The following CDH12 variants were observed in gnomAD, a reference collection of about 807,000 sequenced individuals.
CDH12 encodes cadherin-12.
CDH12 carries 41 observed loss-of-function variants against 74.1 expected under a neutral mutation model. That is an observed-to-expected ratio of 0.55 (90% CI 0.43 to 0.72). The LOEUF is 0.72. CDH12 is among the 30% of genes least tolerant of loss of function. CDH12 has a pLI of 0.00. For synonymous variants in CDH12, 399 were observed against 355.0 expected, an observed-to-expected ratio of 1.12 and a Z score of -1.39; for missense variants, 945 against 977.2, an observed-to-expected ratio of 0.97 and a Z score of 0.44.
chr5:22,140,838 A>G (rs1204662740), intron 4 of CDH12, among the ~76,000 whole-genome samples: 2 of 152,120 alleles, frequency 1.3e-5, no homozygotes, highest in Non-Finnish European at 2.9e-5. Flanking sequence ...CTAGTGCTAC[A>G]CAGACTACAC....
At chr5:22,002,579 T>G (rs1355883484) in intron 5 of CDH12, among the ~76,000 whole-genome samples, 2 of 152,166 alleles carry the variant, frequency 1.3e-5, no homozygotes, top group Non-Finnish European at 2.9e-5. Context: ...TTTTAATTTA[T>G]CTGATTGAGC....
intron 9 of CDH12, among the ~76,000 whole-genome samples, chr5:21,804,640 T>TAA (rs367797978): frequency 0.19 from 16,922 of 88,912 alleles, 1,605 homozygotes; most frequent in Admixed American, 0.22. Flanking sequence ...TATAGTGAAT[T>TAA]AAAACACACA....
intron 3 of CDH12, among the ~76,000 whole-genome samples, chr5:22,342,853 T>C (rs1010086329): frequency 3.3e-5 from 5 of 151,014 alleles, no homozygotes; most frequent in Non-Finnish European, 5.9e-5. Context: ...TGTCTGTCTG[T>C]CTGTCTGTCT....
intron 3 of CDH12, among the ~76,000 whole-genome samples, chr5:22,319,204 T>C (rs1346092885): frequency 6.6e-6 from 1 of 152,176 alleles, no homozygotes; most frequent in East Asian, 1.9e-4. Flanking sequence ...GTAATATAGA[T>C]GGGTGCTCCA....
At chr5:22,044,955 G>T (rs941501798) in intron 5 of CDH12, among the ~76,000 whole-genome samples, 2 of 152,078 alleles carry the variant, frequency 1.3e-5, no homozygotes, top group African/African-American at 2.4e-5. Flanking sequence ...GGGATTAAAA[G>T]CTTCTATACA....
intron 1 of CDH12, among the ~76,000 whole-genome samples, chr5:22,784,585 C>T (rs1020848368): frequency 1.6e-4 from 24 of 152,106 alleles, no homozygotes; most frequent in Non-Finnish European, 2.8e-4. Context: ...CTAGTTAAAA[C>T]GATCATGGCT....
intron 1 of CDH12, among the ~76,000 whole-genome samples, chr5:22,577,191 C>A (rs948345223): frequency 6.6e-6 from 1 of 152,254 alleles, no homozygotes; most frequent in African/African-American, 2.4e-5. Context: ...AAAAGCTACT[C>A]AACCAGTCAG....
intron 3 of CDH12, among the ~76,000 whole-genome samples, chr5:22,376,312 A>G (rs542025507): frequency 2.6e-5 from 4 of 152,196 alleles, no homozygotes; most frequent in African/African-American, 9.6e-5. Context: ...TGTGTCTGGG[A>G]GGGAGGATAA....
At chr5:22,049,376 G>A (rs1447107929) in intron 5 of CDH12, among the ~76,000 whole-genome samples, 3 of 151,744 alleles carry the variant, frequency 2.0e-5, no homozygotes, top group Non-Finnish European at 2.9e-5. Flanking sequence ...TCCTTGCCCA[G>A]GTTTAGCAGC....
At chr5:22,845,897 CAG>C (rs1262770464) in intron 1 of CDH12, among the ~76,000 whole-genome samples, 7 of 152,072 alleles carry the variant, frequency 4.6e-5, no homozygotes, top group Admixed American at 2.0e-4. Flanking sequence ...AAAGTAGAAA[CAG>C]AAATATCTGT....
intron 3 of CDH12, among the ~76,000 whole-genome samples, chr5:22,335,093 C>T (rs1015214698): frequency 1.3e-5 from 2 of 152,116 alleles, no homozygotes; most frequent in African/African-American, 4.8e-5. Context: ...TTCAAAACTA[C>T]TCATCTGACA....
In CDH12 at chr5:22,588,853, C is replaced by A. The variant is rs557871001; in HGVS notation, c.-522-83489G>T. Among the ~76,000 whole-genome samples, 7 of 152,208 alleles carry A rather than the reference C, an allele frequency of 4.6e-5. No individual in the cohort carries two copies. In the South Asian group the frequency reaches 1.5e-3, roughly 32 times the overall value. On this transcript the variant is annotated intron_variant, in intron 1 of 14. Transcript: ENST00000382254. ...ATTCCTTTTTACTGCCCTGAATAAGCCCTGCCCCTGCAGTTATCACCTTTT... is the reference window on the plus strand; with the variant it reads ...ATTCCTTTTTACTGCCCTGAATAAGACCTGCCCCTGCAGTTATCACCTTTT...
intron 3 of CDH12, among the ~76,000 whole-genome samples, chr5:22,348,506 T>C (rs1305949497): frequency 6.6e-6 from 1 of 152,212 alleles, no homozygotes; most frequent in Non-Finnish European, 1.5e-5. Context: ...GAAAACTAGA[T>C]AGTGTTGTGA....
intron 6 of CDH12, among the ~76,000 whole-genome samples, chr5:21,968,665 A>G (rs1455230620): frequency 6.6e-6 from 1 of 152,148 alleles, no homozygotes; most frequent in Non-Finnish European, 1.5e-5. Context: ...TTCAACAGGA[A>G]TGTCTAGAGA....
intron 6 of CDH12, among the ~76,000 whole-genome samples, chr5:21,915,997 C>T (rs981879435): frequency 2.6e-5 from 4 of 151,996 alleles, no homozygotes; most frequent in African/African-American, 9.7e-5. Context: ...ATGTGTCATA[C>T]TGCTTCATAA....
chr5:21,971,463 G>A (rs1038126103), intron 6 of CDH12, among the ~76,000 whole-genome samples: 1 of 152,058 alleles, frequency 6.6e-6, no homozygotes, highest in African/African-American at 2.4e-5. Context: ...TTAGAAAATG[G>A]TAAGAATTAC....
intron 1 of CDH12, among the ~76,000 whole-genome samples, chr5:22,530,314 T>G: frequency 6.6e-6 from 1 of 152,278 alleles, no homozygotes; most frequent in Admixed American, 6.5e-5. Flanking sequence ...AACATCCACA[T>G]TAATCTACAT....
Position 22,625,503 on chromosome 5 carries a change from C to A in CDH12, c.-522-120139G>T, listed in dbSNP as rs182566531. Among the ~76,000 whole-genome samples the A allele has an allele frequency of 2.9e-4, 44 of 152,220 alleles. No homozygotes were observed. In the East Asian group the frequency reaches 2.9e-3, roughly 10 times the overall value. On this transcript the variant is annotated intron_variant, in intron 1 of 14. Coordinates refer to ENST00000382254, the MANE Select transcript of CDH12 (RefSeq NM_004061.5). ...GGGAAGGATGCCAGCCTGTATGGAG[C>A]CCAAAGAATTTGGTTCAGGAAGGGT...
chr5:22,568,383 TGAG>T (rs1739389078), intron 1 of CDH12, among the ~76,000 whole-genome samples: 1 of 152,206 alleles, frequency 6.6e-6, no homozygotes, highest in Admixed American at 6.6e-5. Flanking sequence ...GAGGATAGAA[TGAG>T]ATATTAATTA....
Sources: gnomAD v4.1 joint callset for allele counts (sites outside exome capture counted in the v4.1 genomes callset) on GRCh38, gnomAD v4.1.1 for gene constraint, MANE v1.5 for transcripts, NCBI Gene and HGNC (gene_info 2026-07-23, HGNC 2026-07-21) for gene names.